KSR2: variants seen among roughly 807,000 people sequenced by gnomAD.
The protein encoded by KSR2 is kinase suppressor of ras 2.
In KSR2, 25 loss-of-function variants were observed where a neutral mutation model predicts 107.8. The ratio of observed to expected loss-of-function variants is 0.23; its 90% CI spans 0.17 to 0.32. The LOEUF (loss-of-function observed/expected upper bound fraction) is 0.32, where lower values mean the gene tolerates loss of function less well. Ranked by LOEUF, KSR2 falls within the 10% of genes least tolerant of loss-of-function variation. The pLI is 1.00. For missense variants in KSR2, 887 were observed against 1,268.9 expected (o/e 0.70, Z 4.57); for synonymous variants, 480 against 507.0 (o/e 0.95, Z 0.71).
At chr12:117,762,710 CAA>C (rs368605197) in intron 3 of KSR2, among the ~76,000 whole-genome samples, 1 of 151,724 alleles carries the variant, frequency 6.6e-6, no homozygotes, top group Non-Finnish European at 1.5e-5. Flanking sequence ...ACTAAAAATA[CAA>C]AAAAATTAGC....
chr12:117,963,498 G>C (rs1370388209), intron 1 of KSR2, among the ~76,000 whole-genome samples: 2 of 152,004 alleles, frequency 1.3e-5, no homozygotes, highest in Non-Finnish European at 2.9e-5. Flanking sequence ...AGCTACTCAA[G>C]AGGCTGAGGC....
At chr12:117,551,183 C>A (rs1877281319) in intron 9 of KSR2, among the ~76,000 whole-genome samples, 1 of 152,096 alleles carries the variant, frequency 6.6e-6, no homozygotes, top group African/African-American at 2.4e-5. Flanking sequence ...ACTGTTGCTG[C>A]TTCTCCTCCT....
At chr12:117,870,996 G>C (rs1002536306) in intron 1 of KSR2, among the ~76,000 whole-genome samples, 1 of 152,204 alleles carries the variant, frequency 6.6e-6, no homozygotes, top group African/African-American at 2.4e-5. Flanking sequence ...AGGGATCCTG[G>C]GAAAGAGCAG....
chr12:117,920,960 G>T (rs941361857), intron 1 of KSR2, among the ~76,000 whole-genome samples: 6 of 152,146 alleles, frequency 3.9e-5, no homozygotes, highest in Non-Finnish European at 8.8e-5. Flanking sequence ...CTAAATTACA[G>T]CTATCTGCAT....
chr12:117,501,259 G>A (rs1592932488), intron 14 of KSR2, among the ~76,000 whole-genome samples: 1 of 152,212 alleles, frequency 6.6e-6, no homozygotes, highest in Non-Finnish European at 1.5e-5. Context: ...TGTTAAAATA[G>A]CAGAGTTAAG....
At chr12:117,853,441 C>T (rs566501005) in intron 3 of KSR2, among the ~76,000 whole-genome samples, 28 of 152,220 alleles carry the variant, frequency 1.8e-4, no homozygotes, top group African/African-American at 6.7e-4. Context: ...CTCCAGGACT[C>T]AAGCAATCCT....
At chr12:117,494,547 G>A (rs1203039267) in intron 14 of KSR2, among the ~76,000 whole-genome samples, 1 of 152,202 alleles carries the variant, frequency 6.6e-6, no homozygotes, top group African/African-American at 2.4e-5. Context: ...TGGAGGCCCA[G>A]AGGTCATCTC....
intron 3 of KSR2, among the ~76,000 whole-genome samples, chr12:117,812,351 T>C (rs1196207845): frequency 6.6e-6 from 1 of 152,228 alleles, no homozygotes; most frequent in African/African-American, 2.4e-5. Context: ...AAAACCATAA[T>C]GTTAAAATGA....
intron 9 of KSR2, among the ~76,000 whole-genome samples, chr12:117,545,839 T>C (rs889005450): frequency 5.3e-5 from 8 of 152,224 alleles, no homozygotes; most frequent in African/African-American, 1.9e-4. Flanking sequence ...GTATATTATA[T>C]ATACATAACT....
At chr12:117,906,934 G>A (rs760531317) in intron 1 of KSR2, among the ~76,000 whole-genome samples, 11 of 151,794 alleles carry the variant, frequency 7.2e-5, no homozygotes, top group Admixed American at 1.3e-4. Context: ...CAGGAGGATC[G>A]CTTGAACCCA....
intron 1 of KSR2, among the ~76,000 whole-genome samples, chr12:117,922,778 A>G (rs1275882158): frequency 6.6e-6 from 1 of 152,198 alleles, no homozygotes; most frequent in African/African-American, 2.4e-5. Context: ...CTTGCCCCTC[A>G]TGGAGCTCAC....
At chr12:117,610,647 G>A (rs1255968356) in intron 5 of KSR2, among the ~76,000 whole-genome samples, 1 of 150,508 alleles carries the variant, frequency 6.6e-6, no homozygotes, top group African/African-American at 2.4e-5. Context: ...GCTGAGGTGG[G>A]AGGATCAATT....
intron 3 of KSR2, among the ~76,000 whole-genome samples, chr12:117,768,801 G>A (rs1052217216): frequency 6.6e-6 from 1 of 152,202 alleles, no homozygotes; most frequent in African/African-American, 2.4e-5. Flanking sequence ...CCAACAAAGT[G>A]GGTGGAATTT....
intron 3 of KSR2, among the ~76,000 whole-genome samples, chr12:117,826,706 GCACACA>G (rs10560304): frequency 1.3e-5 from 2 of 149,104 alleles, no homozygotes; most frequent in East Asian, 2.0e-4. Flanking sequence ...ATACACACAT[GCACACA>G]CACACACACA....
chr12:117,965,695 T>C (rs1162031983), intron 1 of KSR2, among the ~76,000 whole-genome samples: 2 of 152,242 alleles, frequency 1.3e-5, no homozygotes, highest in African/African-American at 4.8e-5. Context: ...CATCTCAAAG[T>C]GTCCATTTGA....
chr12:117,657,366 G>A (rs1884229747), intron 5 of KSR2, among the ~76,000 whole-genome samples: 1 of 152,050 alleles, frequency 6.6e-6, no homozygotes, highest in Non-Finnish European at 1.5e-5. Context: ...CATACCTGAA[G>A]GCTACATAGC....
intron 3 of KSR2, among the ~76,000 whole-genome samples, chr12:117,822,207 A>G (rs1891587367): frequency 6.6e-6 from 1 of 152,190 alleles, no homozygotes; most frequent in Non-Finnish European, 1.5e-5. Context: ...AACCATAAAA[A>G]TGGGCAACCA....
chr12:117,761,403 G>A lies in KSR2; in HGVS notation c.594C>T (p.Ser198=). 1 of 1,608,792 alleles carries A rather than the reference G, an allele frequency of 6.2e-7. No homozygotes were observed. Among genetic ancestry groups the A allele is most frequent in the South Asian group, 1.1e-5 (1 of 90,684 alleles). The change falls in exon 4 of 20, where the codon AGC becomes AGT. Residue 198 remains serine, a synonymous_variant. Coordinates refer to ENST00000339824, the MANE Select transcript of KSR2 (RefSeq NM_173598.6). Reference sequence around the variant, plus strand: ...GGACGCACTTGGACGGGACCCTGGGGCTCTGGGAGAGATGGGTGCGGATCC... The same window carrying A: ...GGACGCACTTGGACGGGACCCTGGGACTCTGGGAGAGATGGGTGCGGATCC... ...TPWIRTHLSQ[S]PRVPSKCVQH... is the part of the protein sequence containing the mutation.
chr12:117,608,315 G>A (rs949050378), intron 5 of KSR2, among the ~76,000 whole-genome samples: 6 of 152,140 alleles, frequency 3.9e-5, no homozygotes, highest in South Asian at 4.1e-4. Context: ...GTAGCTGTTC[G>A]ATTAAGAAAA....
Sources: allele counts gnomAD v4.1 joint callset (sites outside exome capture counted in the v4.1 genomes callset), GRCh38; gene constraint gnomAD v4.1.1; transcripts MANE v1.5; gene names NCBI Gene and HGNC (gene_info 2026-07-23, HGNC 2026-07-21).